Variants in FRAS1 observed in about 807,000 individuals in gnomAD.
FRAS1 encodes the protein extracellular matrix organizing protein FRAS1.
Under a neutral mutation model 435.2 loss-of-function variants are expected in FRAS1, and 290 were observed. The observed-to-expected ratio is 0.67, with a 90% CI of 0.61 to 0.73. The LOEUF is 0.73. FRAS1 is among the 30% of genes least tolerant of loss of function. The pLI is 0.00. For missense variants in FRAS1, 4,860 were observed against 5,001.5 expected (o/e 0.97, Z 0.85); for synonymous variants, 1,800 against 1,851.0 (o/e 0.97, Z 0.71).
intron 28 of FRAS1, among the ~76,000 whole-genome samples, chr4:78,386,300 T>C (rs1242583934): frequency 6.6e-6 from 1 of 152,242 alleles, no homozygotes; most frequent in South Asian, 2.1e-4. Flanking sequence ...AATTTTCTCA[T>C]GCAAGTTAAT....
intron 20 of FRAS1, among the ~76,000 whole-genome samples, chr4:78,339,318 C>T (rs1364198762): frequency 6.6e-6 from 1 of 152,182 alleles, no homozygotes; most frequent in African/African-American, 2.4e-5. Context: ...TGGATATTTA[C>T]TGAGAACTCA....
intron 2 of FRAS1, among the ~76,000 whole-genome samples, chr4:78,207,133 T>C (rs1340653871): frequency 2.6e-5 from 4 of 152,250 alleles, no homozygotes; most frequent in Non-Finnish European, 4.4e-5. Context: ...GAAGGACTTT[T>C]TTCTGAAGCC....
intron 29 of FRAS1, among the ~76,000 whole-genome samples, chr4:78,391,082 G>A (rs2110335177): frequency 6.6e-6 from 1 of 152,292 alleles, no homozygotes; most frequent in Non-Finnish European, 1.5e-5. Context: ...GCTTGAGTGA[G>A]GCTGGTGCCT....
At chr4:78,089,987 C>G (rs1322347793) in intron 2 of FRAS1, among the ~76,000 whole-genome samples, 1 of 152,110 alleles carries the variant, frequency 6.6e-6, no homozygotes, top group Non-Finnish European at 1.5e-5. Flanking sequence ...TTTTCTGTCC[C>G]TATGTTACGA....
chr4:78,121,047 C>T (rs1718988581), intron 2 of FRAS1, among the ~76,000 whole-genome samples: 1 of 152,156 alleles, frequency 6.6e-6, no homozygotes, highest in African/African-American at 2.4e-5. Context: ...TAGCACTTTA[C>T]CTCTCTGGGC....
At chr4:78,326,115 A>G (rs1361855963) in intron 18 of FRAS1, among the ~76,000 whole-genome samples, 1 of 147,272 alleles carries the variant, frequency 6.8e-6, no homozygotes, top group Admixed American at 6.8e-5. Flanking sequence ...AAAGATTTTA[A>G]GTAGGGAAAA....
chr4:78,189,504 G>A (rs556413292), intron 2 of FRAS1, among the ~76,000 whole-genome samples: 1 of 152,368 alleles, frequency 6.6e-6, no homozygotes, highest in African/African-American at 2.4e-5. Flanking sequence ...GATATGAGCA[G>A]AAGATAAGGA....
In FRAS1 at chr4:78,431,939, A is replaced by G. The variant is rs575084199; in HGVS notation, c.4970-418A>G. On this transcript the variant is annotated intron_variant, in intron 37 of 73. Transcript: ENST00000512123. ...CTTAAAGGTTCATCAAGTATAATTT[A>G]TTTTCTTAACTTTTTCAAAAAATTT... Among the ~76,000 whole-genome samples the G allele has an allele frequency of 3.9e-5, 6 of 152,252 alleles. No homozygotes were observed. The East Asian group carries it at 7.7e-4, about 20-fold the overall frequency.
intron 29 of FRAS1, among the ~76,000 whole-genome samples, chr4:78,390,202 G>C (rs1732392012): frequency 6.6e-6 from 1 of 152,122 alleles, no homozygotes; most frequent in Admixed American, 6.5e-5. Flanking sequence ...GGGGAAGAAG[G>C]TTAGAGTAGA....
chr4:78,476,338 CA>C, intron 54 of FRAS1, among the ~76,000 whole-genome samples: 1 of 151,846 alleles, frequency 6.6e-6, no homozygotes, highest in South Asian at 2.1e-4. Flanking sequence ...TTAAAGGTGG[CA>C]ATGAGAAAGA....
At chr4:78,382,972 T>G (rs1732078365) in intron 27 of FRAS1, among the ~76,000 whole-genome samples, 1 of 152,230 alleles carries the variant, frequency 6.6e-6, no homozygotes, top group Non-Finnish European at 1.5e-5. Flanking sequence ...GTATAAATAG[T>G]AGTTCCAAGA....
chr4:78,539,712 T>A (rs943217927), intron 73 of FRAS1, among the ~76,000 whole-genome samples: 24 of 152,224 alleles, frequency 1.6e-4, no homozygotes, highest in African/African-American at 5.8e-4. Flanking sequence ...CAGTTTTTCC[T>A]AAGTTCTTTT....
At chr4:78,237,855 G>C (rs1384254819) in intron 3 of FRAS1, among the ~76,000 whole-genome samples, 2 of 152,098 alleles carry the variant, frequency 1.3e-5, no homozygotes, top group African/African-American at 2.4e-5. Context: ...TCTGGACCAG[G>C]GACTTGGCTT....
At chr4:78,171,276 T>C (rs187184225) in intron 2 of FRAS1, among the ~76,000 whole-genome samples, 2 of 152,236 alleles carry the variant, frequency 1.3e-5, no homozygotes, top group Admixed American at 1.3e-4. Flanking sequence ...CTCAGGGTGG[T>C]TCAGTAATTT....
At position 78,438,655 on chromosome 4, in the gene FRAS1, A is replaced by C. The variant is rs772176821; in HGVS notation, c.5303A>C (p.Glu1768Ala). 6.2e-7 allele frequency: 1 copy of C among 1,613,336 alleles called. No homozygotes were observed. The highest frequency in any genetic ancestry group is 1.7e-5 in the Admixed American group (1 of 59,944). ...YGTLLRISGS[E>A]VEELSEVSNF... ...ACTCTCTTAAGAATCTCAGGATCTG[A>C]GGTGGAAGAGCTCTCAGAAGTTTCC... The change falls in exon 39 of 74, where the codon GAG becomes GCG. Residue 1768 changes from glutamate (E) to alanine (A), a missense_variant. Glu to Ala is a moderately radical substitution (Grantham distance 107). Transcript: ENST00000512123.
At chr4:78,171,552 C>T (rs1041979604) in intron 2 of FRAS1, among the ~76,000 whole-genome samples, 1 of 152,152 alleles carries the variant, frequency 6.6e-6, no homozygotes. Flanking sequence ...CCCACACCTA[C>T]CACCACTTCT....
At chr4:78,386,987 A>G (rs1390207465) in intron 28 of FRAS1, among the ~76,000 whole-genome samples, 3 of 152,216 alleles carry the variant, frequency 2.0e-5, no homozygotes, top group Admixed American at 1.3e-4. Flanking sequence ...CAGAGTCAGT[A>G]TACCACAACA....
At chr4:78,207,150 T>A (rs1009898910) in intron 2 of FRAS1, among the ~76,000 whole-genome samples, 1 of 152,242 alleles carries the variant, frequency 6.6e-6, no homozygotes, top group Non-Finnish European at 1.5e-5. Context: ...AGCCACCCAT[T>A]AAGCCTTGTA....
Position 78,432,551 on chromosome 4 carries a change from A to C in FRAS1, c.5164A>C (p.Thr1722Pro). The change falls in exon 38 of 74, where the codon ACT (threonine) becomes CCT (proline). Residue 1722 changes from threonine (T) to proline (P), a missense_variant. Transcript: ENST00000512123. Reference sequence around the variant, plus strand: ...GGCTGCTGGCTCCTCTCTGAGCATTACTGTTGCCAGTAAAAGCACAGCCAT... The same window carrying C: ...GGCTGCTGGCTCCTCTCTGAGCATTCCTGTTGCCAGTAAAAGCACAGCCAT... Reference protein sequence around the residue: ...RLAAGSSLSITVASKSTAIIT... With the variant: ...RLAAGSSLSIPVASKSTAIIT... The C allele has an allele frequency of 6.2e-7, 1 of 1,611,252 alleles. No individual in the cohort carries two copies. Among genetic ancestry groups the C allele is most frequent in the Non-Finnish European group, 8.5e-7 (1 of 1,178,454 alleles).
Sources: allele counts gnomAD v4.1 joint callset (sites outside exome capture counted in the v4.1 genomes callset), GRCh38; gene constraint gnomAD v4.1.1; transcripts MANE v1.5; gene names NCBI Gene and HGNC (gene_info 2026-07-23, HGNC 2026-07-21).